DMD: variants seen among roughly 807,000 people sequenced by gnomAD.
DMD encodes the protein dystrophin.
In DMD, 63 loss-of-function variants were observed where a neutral mutation model predicts 330.1. The observed-to-expected ratio is 0.19, with a 90% CI of 0.16 to 0.24. DMD has a LOEUF of 0.24. DMD is among the 10% of genes least tolerant of loss of function. The pLI is 1.00. For missense variants in DMD, 3,344 were observed against 2,684.1 expected (o/e 1.25, Z -5.43); for synonymous variants, 1,223 against 959.8 (o/e 1.27, Z -5.07).
At chrX:32,476,044 G>A (rs1694106942) in intron 21 of DMD, among the ~76,000 whole-genome samples, 1 of 111,156 alleles carries the variant, frequency 9.0e-6, no homozygotes, top group Admixed American at 9.6e-5. Flanking sequence ...TGAAGCAAAT[G>A]ATTGTGTCTG....
chrX:32,762,156 A>G (rs995593047), intron 7 of DMD, among the ~76,000 whole-genome samples: 1 of 103,862 alleles, frequency 9.6e-6, no homozygotes, highest in South Asian at 4.5e-4. Context: ...GTCTCAAAAA[A>G]AGAAAAAAAA....
At chrX:33,149,119 A>G (rs900273120) in intron 1 of DMD, among the ~76,000 whole-genome samples, 1 of 110,641 alleles carries the variant, frequency 9.0e-6, no homozygotes, top group Non-Finnish European at 1.9e-5. Context: ...TTCTATTATT[A>G]TTATTACATT....
intron 60 of DMD, among the ~76,000 whole-genome samples, chrX:31,411,968 C>T (rs1363025557): frequency 1.5e-4 from 16 of 109,429 alleles, no homozygotes; most frequent in Admixed American, 1.5e-3. Context: ...GGCGAGTCAC[C>T]TGAGGTCAGG....
chrX:32,412,117 AG>A, intron 29 of DMD: 1 of 1,159,357 alleles, frequency 8.6e-7, no homozygotes, highest in Non-Finnish European at 1.2e-6. Flanking sequence ...ACAAAACTAT[AG>A]GATCAGGGAT....
chrX:32,056,900 A>G (rs1427455419), intron 44 of DMD, among the ~76,000 whole-genome samples: 2 of 111,578 alleles, frequency 1.8e-5, no homozygotes, highest in Non-Finnish European at 3.8e-5. Flanking sequence ...ACTCAACAGT[A>G]TATTGAAAGG....
chrX:32,071,402 G>A lies in DMD; in HGVS notation c.6439-102888C>T, dbSNP rs187020435. On this transcript the variant is annotated intron_variant, in intron 44 of 78. Coordinates refer to ENST00000357033, the MANE Select transcript of DMD (RefSeq NM_004006.3). ...CTCGTGGTTTTCTCAGCAAACTATC[G>A]CAAGGACAAAAAACCAAACACCGCA... Among the ~76,000 whole-genome samples the A allele has an allele frequency of 2.3e-3, 239 of 106,121 alleles. 1 individual carries two copies. Among genetic ancestry groups the A allele is most frequent in the Non-Finnish European group, 3.3e-3 (172 of 51,748 alleles). The allele number at this position is 106,121 out of a possible 115,157, so 92.2% of individuals were successfully genotyped here.
chrX:31,179,416 G>C (rs2041787944), intron 69 of DMD, among the ~76,000 whole-genome samples: 1 of 112,524 alleles, frequency 8.9e-6, no homozygotes, highest in Admixed American at 9.4e-5. Context: ...AGAGCATCAG[G>C]AGTTGGGGCC....
intron 2 of DMD, among the ~76,000 whole-genome samples, chrX:33,009,988 GTATATACACGTA>G (rs377098185): frequency 0.36 from 19,736 of 54,405 alleles, 5,185 homozygotes; most frequent in East Asian, 0.5. Context: ...ACACATGTGT[GTATATACACGTA>G]TGTATGTGTA....
intron 2 of DMD, among the ~76,000 whole-genome samples, chrX:32,865,513 C>A (rs1252416834): frequency 9.0e-6 from 1 of 111,385 alleles, no homozygotes; most frequent in African/African-American, 3.3e-5. Context: ...ACGCACTGTT[C>A]AAGGAACTAT....
chrX:31,976,005 T>C (rs2095433310), intron 44 of DMD, among the ~76,000 whole-genome samples: 1 of 111,361 alleles, frequency 9.0e-6, no homozygotes, highest in Non-Finnish European at 1.9e-5. Flanking sequence ...AATTATTGAT[T>C]GGATACCTCC....
At chrX:31,313,584 T>C (rs990317316) in intron 62 of DMD, among the ~76,000 whole-genome samples, 2 of 111,837 alleles carry the variant, frequency 1.8e-5, no homozygotes, top group African/African-American at 6.5e-5. Flanking sequence ...CAGGGATGTA[T>C]TGCATAGTGG....
intron 71 of DMD, 114 bp from the exon 72 acceptor site, chrX:31,173,718 A>T (rs1186747263): frequency 7.1e-6 from 4 of 559,979 alleles, no homozygotes; most frequent in Non-Finnish European, 1.2e-5. Context: ...AATTCTATGG[A>T]TAATGTATAC....
At chrX:32,077,288 T>C (rs181952151) in intron 44 of DMD, among the ~76,000 whole-genome samples, 2 of 110,928 alleles carry the variant, frequency 1.8e-5, no homozygotes, top group East Asian at 5.7e-4. Context: ...AGGCATGCTT[T>C]TCTACTGAAG....
At chrX:33,177,103 A>C (rs182067043) in intron 1 of DMD, among the ~76,000 whole-genome samples, 1 of 111,744 alleles carries the variant, frequency 8.9e-6, no homozygotes, top group Non-Finnish European at 1.9e-5. Context: ...AGCTGATCTC[A>C]CCTTGTGGCA....
chrX:33,255,786 A>G (rs1603425845), intron 1 of DMD, among the ~76,000 whole-genome samples: 1 of 111,294 alleles, frequency 9.0e-6, no homozygotes, highest in Admixed American at 9.6e-5. Flanking sequence ...ATCTTATGCA[A>G]TGCTACAATA....
chrX:31,957,805 A>G (rs909672939), intron 45 of DMD, among the ~76,000 whole-genome samples: 9 of 111,856 alleles, frequency 8.0e-5, no homozygotes, highest in African/African-American at 2.9e-4. Context: ...CTTATTATAC[A>G]TATCTAAGAC....
chrX:33,315,163 C>T (rs1757711842), intron 1 of DMD, among the ~76,000 whole-genome samples: 1 of 111,993 alleles, frequency 8.9e-6, no homozygotes, highest in African/African-American at 3.2e-5. Flanking sequence ...TTAATTGGTT[C>T]CATCCACATA....
intron 7 of DMD, among the ~76,000 whole-genome samples, chrX:32,725,201 C>A (rs756164599): frequency 9.0e-6 from 1 of 110,992 alleles, no homozygotes; most frequent in South Asian, 3.8e-4. Flanking sequence ...TAAGGGTGTT[C>A]CAGAAATTTC....
intron 9 of DMD, among the ~76,000 whole-genome samples, chrX:32,697,092 G>A (rs747862999): frequency 9.7e-4 from 108 of 111,530 alleles, no homozygotes; most frequent in Non-Finnish European, 1.8e-3. Context: ...AGCACGTTTC[G>A]AATTGGCTCC....
Sources: gnomAD v4.1 joint callset for allele counts (sites outside exome capture counted in the v4.1 genomes callset) on GRCh38, gnomAD v4.1.1 for gene constraint, MANE v1.5 for transcripts, NCBI Gene and HGNC (gene_info 2026-07-23, HGNC 2026-07-21) for gene names.